Variants in HADHB observed in about 807,000 individuals in gnomAD.
The protein encoded by HADHB is trifunctional enzyme subunit beta, mitochondrial.
A neutral mutation model predicts 61.9 loss-of-function variants in HADHB; 50 were observed. The ratio of observed to expected loss-of-function variants is 0.81; its 90% CI spans 0.64 to 1.02. The LOEUF (loss-of-function observed/expected upper bound fraction) is 1.02. Ranked by LOEUF, HADHB falls within the 50% of genes least tolerant of loss-of-function variation. HADHB has a pLI of 0.00. For synonymous variants in HADHB, 191 were observed against 201.6 expected (o/e 0.95, Z 0.45); for missense variants, 504 against 586.5 (o/e 0.86, Z 1.45).
intron 4 of HADHB, among the ~76,000 whole-genome samples, chr2:26,266,316 T>C (rs956153719): frequency 2.0e-5 from 3 of 152,014 alleles, no homozygotes; most frequent in African/African-American, 7.2e-5. Flanking sequence ...AGGGAAAATG[T>C]ATAAGGACAA....
At chr2:26,259,506 G>A (rs947023792) in intron 3 of HADHB, among the ~76,000 whole-genome samples, 1 of 152,090 alleles carries the variant, frequency 6.6e-6, no homozygotes, top group Non-Finnish European at 1.5e-5. Context: ...ACACTCCCTT[G>A]TACCTACTCC....
chr2:26,247,769 T>G (rs1671224457), intron 1 of HADHB, among the ~76,000 whole-genome samples: 1 of 152,206 alleles, frequency 6.6e-6, no homozygotes, highest in Admixed American at 6.5e-5. Flanking sequence ...AGAGATGATT[T>G]AGAGTATGCA....
intron 4 of HADHB, 105 bp downstream of exon 4, chr2:26,263,584 A>ATAT: frequency 1.3e-6 from 1 of 765,112 alleles, no homozygotes; most frequent in South Asian, 1.4e-5. Flanking sequence ...TAGTGGACTA[A>ATAT]TATTTGGATA....
chr2:26,263,285 C>T lies in HADHB; in HGVS notation c.110-95C>T, dbSNP rs990909709. ...TTGCACTCCAGCCTGGGTGACAGAG[C>T]GAGACTCCATCTTAAAAAAAAAAAA... On this transcript the variant is annotated intron_variant, in intron 3 of 15. Transcript: ENST00000317799. 1.2e-4 allele frequency: 88 copies of T among 718,762 alleles called. No individual in the cohort carries two copies. In the East Asian group the frequency reaches 2.2e-3, roughly 18 times the overall value. The allele number at this position is 718,762 out of a possible 1,614,324, so 44.5% of individuals were successfully genotyped here.
chr2:26,284,790 C>T (rs1672954404), intron 13 of HADHB, 93 bp from the exon 14 acceptor site: 2 of 799,550 alleles, frequency 2.5e-6, no homozygotes, highest in African/African-American at 1.7e-5. Context: ...TTAAACCATA[C>T]CTAAAGTTGT....
At chr2:26,280,579 G>A (rs1467960121) in intron 10 of HADHB, among the ~76,000 whole-genome samples, 1 of 152,128 alleles carries the variant, frequency 6.6e-6, no homozygotes, top group Non-Finnish European at 1.5e-5. Flanking sequence ...CAGGCCGGGT[G>A]CGGTGGCTCA....
At chr2:26,283,510 C>T (rs1178722705) in intron 12 of HADHB, among the ~76,000 whole-genome samples, 8 of 151,900 alleles carry the variant, frequency 5.3e-5, no homozygotes, top group Non-Finnish European at 8.8e-5. Flanking sequence ...GGCGACAGAG[C>T]GAGACTCCAT....
intron 3 of HADHB, among the ~76,000 whole-genome samples, chr2:26,259,464 C>T (rs1671771811): frequency 6.6e-6 from 1 of 152,156 alleles, no homozygotes; most frequent in South Asian, 2.1e-4. Context: ...TCCTGGTCAA[C>T]ATAAATAAGC....
In HADHB at chr2:26,253,167, T is replaced by G. The variant is rs545126004; in HGVS notation, c.-8-1080T>G. Reference sequence around the variant, plus strand: ...TCCTTAGTAATCTGTAGGAACTCATTGTTAGAAATTTAGTCTTTTTTGGAG... The same window carrying G: ...TCCTTAGTAATCTGTAGGAACTCATGGTTAGAAATTTAGTCTTTTTTGGAG... On this transcript the variant is annotated intron_variant, in intron 1 of 15. Transcript: ENST00000317799. Among the ~76,000 whole-genome samples the G allele has an allele frequency of 3.3e-5, 5 of 152,292 alleles. No individual in the cohort carries two copies. In the South Asian group the frequency reaches 1.0e-3, roughly 32 times the overall value.
intron 10 of HADHB, 37 bp downstream of exon 10, chr2:26,280,152 T>G: frequency 6.4e-7 from 1 of 1,555,972 alleles, no homozygotes; most frequent in Non-Finnish European, 8.9e-7. Context: ...GTAGTGACTT[T>G]TCTATTTCTG....
chr2:26,268,342 A>G (rs1370771096), intron 4 of HADHB, among the ~76,000 whole-genome samples: 3 of 152,224 alleles, frequency 2.0e-5, no homozygotes, highest in African/African-American at 7.2e-5. Flanking sequence ...AGTCTGTGTT[A>G]TTCCTGCCAC....
rs148515150 is a variant in HADHB at position 26,247,161 on chromosome 2, C to T, written c.-9+2171C>T. ...CCTAGACTCTTCTTCCTTTCCCTTG[C>T]TCCCAGGTGCCTGCAGCTTCGTGTA... On this transcript the variant is annotated intron_variant, in intron 1 of 15. Coordinates refer to ENST00000317799, the MANE Select transcript of HADHB (RefSeq NM_000183.3). Among the ~76,000 whole-genome samples, 341 of 152,294 alleles carry T rather than the reference C, an allele frequency of 2.2e-3. 3 individuals are homozygous for T. The highest frequency in any genetic ancestry group is 7.0e-3 in the African/African-American group (291 of 41,548).
rs1038882025 is a variant in HADHB, at chr2:26,283,034, A to C, written c.1044A>C (p.Lys348Asn). The stretch of plus-strand genomic sequence containing the variant: ...TTATGTATGTGTCTCAGGATCCAAA[A>C]GATCAACTATTACTTGGGTAGGTAG... Reference protein sequence around the residue: ...RDFMYVSQDPKDQLLLGPTYA... With the variant: ...RDFMYVSQDPNDQLLLGPTYA... Residue 348 changes from lysine (K) to asparagine (N), a missense_variant, in exon 12 of 16, where the codon AAA becomes AAC. Lys to Asn is a moderately conservative substitution (Grantham distance 94). Transcript: ENST00000317799. 6.2e-7 allele frequency: 1 copy of C among 1,608,110 alleles called. No homozygotes were observed. Among genetic ancestry groups the C allele is most frequent in the Non-Finnish European group, 8.5e-7 (1 of 1,174,488 alleles).
intron 12 of HADHB, 36 bp downstream of exon 12, chr2:26,283,087 A>ATACTTGTGATTAT: frequency 1.5e-6 from 2 of 1,352,030 alleles, no homozygotes; most frequent in Non-Finnish European, 2.1e-6. Flanking sequence ...CTATAATCAC[A>ATACTTGTGATTAT]AGTATTTGAT....
chr2:26,268,396 T>C (rs560515135), intron 4 of HADHB, among the ~76,000 whole-genome samples: 1 of 152,290 alleles, frequency 6.6e-6, no homozygotes, highest in South Asian at 2.1e-4. Context: ...TGGGCTAGAC[T>C]TAGTGACTCA....
intron 5 of HADHB, among the ~76,000 whole-genome samples, chr2:26,272,903 G>A (rs1672402968): frequency 6.6e-6 from 1 of 151,832 alleles, no homozygotes; most frequent in African/African-American, 2.4e-5. Context: ...GGCTAACATG[G>A]TGAACCCTGT....
At chr2:26,261,907 G>C (rs1285437102) in intron 3 of HADHB, among the ~76,000 whole-genome samples, 1 of 151,458 alleles carries the variant, frequency 6.6e-6, no homozygotes, top group Non-Finnish European at 1.5e-5. Context: ...ATATCTGATT[G>C]GTTGCCAACA....
At chr2:26,269,431 C>T (rs1348059495) in intron 4 of HADHB, among the ~76,000 whole-genome samples, 1 of 152,046 alleles carries the variant, frequency 6.6e-6, no homozygotes, top group Non-Finnish European at 1.5e-5. Flanking sequence ...GAACTCCTGG[C>T]CTCAAGTAGT....
At position 26,285,739 on chromosome 2, in the gene HADHB, G is replaced by GTTTTTTTTTTT. The variant is rs766742523; in HGVS notation, c.1389+176_1389+186dup. On this transcript the variant is annotated intron_variant, in intron 15 of 15. Coordinates refer to ENST00000317799, the MANE Select transcript of HADHB (RefSeq NM_000183.3). ...TCTGATAAAACTTTTTGTTTTTTGG[G>GTTTTTTTTTTT]TTTTTTTTTTTTTTTTTTGAGACAG... Among the ~76,000 whole-genome samples the GTTTTTTTTTTT allele has an allele frequency of 6.3e-3, 412 of 65,074 alleles. 94 individuals are homozygous for GTTTTTTTTTTT. The highest frequency in any genetic ancestry group is 0.026 in the Middle Eastern group (1 of 38). 42.7% of individuals were successfully genotyped at this position (65,074 alleles called of 152,430 possible). A position where few individuals can be genotyped will look rare whatever the true frequency, so the allele number is the denominator to read the frequency against.
Sources: allele counts gnomAD v4.1 joint callset (sites outside exome capture counted in the v4.1 genomes callset), GRCh38; gene constraint gnomAD v4.1.1; transcripts MANE v1.5; gene names NCBI Gene and HGNC (gene_info 2026-07-23, HGNC 2026-07-21).